Variants in RAD51B observed in about 807,000 individuals in gnomAD.
RAD51B encodes RAD51 paralog B, also known as DNA repair protein RAD51 homolog 2.
A neutral mutation model predicts 42.2 loss-of-function variants in RAD51B; 38 were observed. The ratio of observed to expected loss-of-function variants is 0.90; its 90% CI spans 0.70 to 1.18. RAD51B has a LOEUF of 1.18. Among genes scored for constraint, RAD51B ranks in the 50% most tolerant of loss-of-function variants. RAD51B has a pLI of 0.00. For synonymous variants in RAD51B, 154 were observed against 145.2 expected (o/e 1.06, Z -0.43); for missense variants, 373 against 400.7 (o/e 0.93, Z 0.59).
chr14:67,831,716 G>A (rs1307498019), intron 3 of RAD51B, among the ~76,000 whole-genome samples: 18 of 137,904 alleles, frequency 1.3e-4, no homozygotes, highest in Non-Finnish European at 2.9e-4. Flanking sequence ...TTTTTTTTTT[G>A]TATTTTTAGT....
chr14:68,504,662 CTTTTTTTTTTTTT>C lies in RAD51B; in HGVS notation c.1036+36425_1036+36437del, dbSNP rs57967320. ...AAGGAGTAATCCTTTTTTTTTCTTT[CTTTTTTTTTTTTT>C]TTTTTTTTTTTTGCTAGTTCATTTT... On this transcript the variant is annotated intron_variant, in intron 10 of 10. Coordinates refer to the RAD51B transcript ENST00000487270. Among the ~76,000 whole-genome samples, 45 of 90,450 alleles carry C rather than the reference CTTTTTTTTTTTTT, an allele frequency of 5.0e-4. 1 individual carries two copies. Among genetic ancestry groups the C allele is most frequent in the African/African-American group, 1.8e-3 (44 of 24,576 alleles). 59.3% of individuals were successfully genotyped at this position (90,450 alleles called of 152,430 possible). A position where few individuals can be genotyped will look rare whatever the true frequency, so the allele number is the denominator to read the frequency against.
intron 10 of RAD51B, among the ~76,000 whole-genome samples, chr14:68,607,268 T>A (rs549235587): frequency 9.2e-5 from 14 of 152,268 alleles, no homozygotes; most frequent in Admixed American, 6.5e-4. Context: ...TTCTGTTTGC[T>A]CTCCATTGGT....
chr14:68,283,607 C>T (rs140228591), intron 7 of RAD51B, among the ~76,000 whole-genome samples: 29 of 152,292 alleles, frequency 1.9e-4, no homozygotes, highest in African/African-American at 6.7e-4. Context: ...GACAGGATGC[C>T]GTCGGGGTTG....
intron 7 of RAD51B, among the ~76,000 whole-genome samples, chr14:68,082,689 A>G (rs777931346): frequency 4.6e-5 from 7 of 151,934 alleles, no homozygotes; most frequent in Non-Finnish European, 8.8e-5. Context: ...TGTGGTATCT[A>G]TTGTATAGCT....
chr14:67,955,067 AAAG>A (rs1348428771), intron 7 of RAD51B, among the ~76,000 whole-genome samples: 1 of 152,070 alleles, frequency 6.6e-6, no homozygotes, highest in Non-Finnish European at 1.5e-5. Context: ...AATGAGGAAA[AAAG>A]AGATAGGAGA....
At chr14:68,176,242 T>C (rs1319762308) in intron 7 of RAD51B, among the ~76,000 whole-genome samples, 1 of 152,202 alleles carries the variant, frequency 6.6e-6, no homozygotes, top group African/African-American at 2.4e-5. Flanking sequence ...TCTATTTTTC[T>C]GGGGCTTTGT....
chr14:68,431,793 G>C (rs1013339011), intron 9 of RAD51B, among the ~76,000 whole-genome samples: 1 of 152,148 alleles, frequency 6.6e-6, no homozygotes, highest in African/African-American at 2.4e-5. Flanking sequence ...CCTTCTGCTA[G>C]CTTTTGAATG....
At chr14:68,612,135 T>TCTTAAG (rs1891702694), downstream of RAD51B, among the ~76,000 whole-genome samples, 1 of 152,240 alleles carries the variant, frequency 6.6e-6, no homozygotes, top group African/African-American at 2.4e-5. Flanking sequence ...CTTAAGGAGC[T>TCTTAAG]GATGGTCTCC....
chr14:68,419,042 G>A (rs2084630258), intron 9 of RAD51B, among the ~76,000 whole-genome samples: 1 of 152,118 alleles, frequency 6.6e-6, no homozygotes, highest in Non-Finnish European at 1.5e-5. Context: ...AAGATCCCAG[G>A]CCCCATCCCC....
chr14:68,505,385 CCAGTCCCTTGCCA>C (rs1393896523), intron 10 of RAD51B, among the ~76,000 whole-genome samples: 1 of 152,164 alleles, frequency 6.6e-6, no homozygotes, highest in Non-Finnish European at 1.5e-5. Flanking sequence ...GTATTTCTAG[CCAGTCCCTTGCCA>C]CAGTTCAGTG....
At chr14:68,638,379 G>C (rs570317248) in intron 10 of RAD51B, among the ~76,000 whole-genome samples, 1 of 152,092 alleles carries the variant, frequency 6.6e-6, no homozygotes, top group African/African-American at 2.4e-5. Flanking sequence ...AGCTTCTTGC[G>C]AGCCAGGCCA....
At chr14:68,355,867 T>C (rs2082888214) in intron 8 of RAD51B, among the ~76,000 whole-genome samples, 1 of 152,232 alleles carries the variant, frequency 6.6e-6, no homozygotes, top group East Asian at 1.9e-4. Context: ...CCATTAATTA[T>C]AGTGACAGTA....
chr14:68,346,499 C>T (rs1311413869), intron 8 of RAD51B, among the ~76,000 whole-genome samples: 1 of 152,206 alleles, frequency 6.6e-6, no homozygotes, highest in Non-Finnish European at 1.5e-5. Flanking sequence ...AGATTTCTTC[C>T]TCGATTTCAT....
intron 7 of RAD51B, among the ~76,000 whole-genome samples, chr14:67,910,405 C>CAAAAAAAAAAAAAAAAAAAAA (rs576632132): frequency 1.1e-4 from 1 of 9,038 alleles, no homozygotes. Flanking sequence ...GACTCTGTCT[C>CAAAAAAAAAAAAAAAAAAAAA]AAAAAAAAAA....
At chr14:68,219,320 A>G (rs1043626251) in intron 7 of RAD51B, among the ~76,000 whole-genome samples, 4 of 152,180 alleles carry the variant, frequency 2.6e-5, no homozygotes, top group South Asian at 4.1e-4. Flanking sequence ...ATCCCATTCA[A>G]TTGCATCCTC....
intron 7 of RAD51B, among the ~76,000 whole-genome samples, chr14:68,202,573 C>CTT (rs145298493): frequency 0.016 from 1,271 of 81,596 alleles, 87 homozygotes; most frequent in Non-Finnish European, 0.022. Context: ...GAAGCAACGT[C>CTT]TTTTTTTTTT....
chr14:68,031,306 G>A (rs2076037941), intron 7 of RAD51B, among the ~76,000 whole-genome samples: 1 of 152,102 alleles, frequency 6.6e-6, no homozygotes, highest in South Asian at 2.1e-4. Context: ...AACAGTATAG[G>A]AGAAACCACC....
chr14:68,314,100 TG>T (rs1359164071), intron 8 of RAD51B, among the ~76,000 whole-genome samples: 1 of 152,162 alleles, frequency 6.6e-6, no homozygotes, highest in Admixed American at 6.5e-5. Context: ...ACTTCTGGCT[TG>T]GGGAGGGTTT....
intron 8 of RAD51B, among the ~76,000 whole-genome samples, chr14:68,361,798 C>T (rs1002173833): frequency 1.3e-5 from 2 of 152,174 alleles, no homozygotes; most frequent in Admixed American, 6.5e-5. Context: ...GCCTCAGCCT[C>T]CCGAGTAGCT....
Sources: gnomAD v4.1 joint callset for allele counts (sites outside exome capture counted in the v4.1 genomes callset) on GRCh38, gnomAD v4.1.1 for gene constraint, MANE v1.5 for transcripts, NCBI Gene and HGNC (gene_info 2026-07-23, HGNC 2026-07-21) for gene names.